SMPD4: variants seen among roughly 807,000 people sequenced by gnomAD.
SMPD4 encodes the protein sphingomyelin phosphodiesterase 4, also known as neutral sphingomyelinase 3.
SMPD4 carries 58 observed loss-of-function variants against 97.8 expected under a neutral mutation model. That is an observed-to-expected ratio of 0.59 (90% CI 0.48 to 0.74). The LOEUF (loss-of-function observed/expected upper bound fraction) is 0.74. Ranked by LOEUF, SMPD4 falls within the 30% of genes least tolerant of loss-of-function variation. The pLI, the probability that SMPD4 is intolerant of heterozygous loss-of-function variation, is 0.00. For missense variants in SMPD4, 853 were observed against 1,080.5 expected (o/e 0.79, Z 2.95); for synonymous variants, 388 against 450.0 (o/e 0.86, Z 1.74).
In SMPD4 at chr2:130,154,764, G is replaced by A. The variant is rs936165900; in HGVS notation, c.1454-282C>T. 9 of 582,552 alleles carry A rather than the reference G, an allele frequency of 1.5e-5. No homozygotes were observed. In the African/African-American group the frequency reaches 1.7e-4, roughly 11 times the overall value. 36.1% of individuals were successfully genotyped at this position (582,552 alleles called of 1,614,324 possible). A position where few individuals can be genotyped will look rare whatever the true frequency, so the allele number is the denominator to read the frequency against. On this transcript the variant is annotated intron_variant, in intron 15 of 19. Transcript: ENST00000680298. ...CCCAACCCAGCCAGGATGAATGCAA[G>A]GCAGAGACCAGGCTCACCTCCTGAA...
intron 8 of SMPD4, among the ~76,000 whole-genome samples, chr2:130,170,037 CAA>C (rs75700996): frequency 8.5e-5 from 9 of 106,438 alleles, no homozygotes; most frequent in Non-Finnish European, 8.4e-5. Flanking sequence ...CATATCTCCG[CAA>C]AAAAAAAAAA....
chr2:130,162,729 A>G (rs35969426), intron 10 of SMPD4, among the ~76,000 whole-genome samples: 12 of 152,320 alleles, frequency 7.9e-5, no homozygotes, highest in African/African-American at 2.4e-4. Flanking sequence ...ACAGGCCTGG[A>G]CAAGCGGCAA....
intron 8 of SMPD4, 94 bp from the exon 9 acceptor site, chr2:130,167,684 G>A: frequency 7.2e-7 from 1 of 1,393,624 alleles, no homozygotes; most frequent in Non-Finnish European, 9.7e-7. Flanking sequence ...AAATCAACGA[G>A]AGCAGGGACA....
intron 9 of SMPD4, among the ~76,000 whole-genome samples, chr2:130,164,795 A>G (rs1687765163): frequency 6.6e-6 from 1 of 152,182 alleles, no homozygotes; most frequent in Admixed American, 6.5e-5. Context: ...GAGCATGAAA[A>G]AATACTATAG....
At chr2:130,160,114 G>A (rs988499910) in intron 11 of SMPD4, among the ~76,000 whole-genome samples, 3 of 151,972 alleles carry the variant, frequency 2.0e-5, no homozygotes, top group African/African-American at 7.3e-5. Context: ...TTTCCCACTG[G>A]GCTGAGACTC....
chr2:130,160,274 C>T (rs1687262176), intron 11 of SMPD4, among the ~76,000 whole-genome samples: 1 of 152,228 alleles, frequency 6.6e-6, no homozygotes, highest in Non-Finnish European at 1.5e-5. Context: ...GAATGAGGTG[C>T]CCCTGTGTGC....
intron 9 of SMPD4, 27 bp from the exon 10 acceptor site, chr2:130,164,472 C>T: frequency 6.2e-7 from 1 of 1,600,630 alleles, no homozygotes; most frequent in Non-Finnish European, 8.6e-7. Context: ...GCTAGTCAAA[C>T]CATTCTTGAC....
At chr2:130,166,489 T>TC (rs762683564) in intron 9 of SMPD4, among the ~76,000 whole-genome samples, 1 of 152,068 alleles carries the variant, frequency 6.6e-6, no homozygotes, top group Admixed American at 6.6e-5. Flanking sequence ...GGGCAACGGT[T>TC]CTTACCATTC....
intron 9 of SMPD4, among the ~76,000 whole-genome samples, chr2:130,165,054 G>A (rs935849828): frequency 9.0e-5 from 13 of 144,092 alleles, no homozygotes; most frequent in African/African-American, 3.4e-4. Flanking sequence ...AGACTGCAGT[G>A]AGCCAAGACT....
rs369821569 is a variant in SMPD4, at chr2:130,181,587, G to C, written c.-103C>G. On this transcript the variant is annotated 5_prime_UTR_variant, in exon 1 of 20. Coordinates refer to ENST00000680298, the MANE Select transcript of SMPD4 (RefSeq NM_017951.5). Reference sequence around the variant, plus strand: ...ATGGAAGCCGCCATTCCGCCACGGCGCCGAAAGTCGTCATCAAGCTGCGCG... The same window carrying C: ...ATGGAAGCCGCCATTCCGCCACGGCCCCGAAAGTCGTCATCAAGCTGCGCG... 3.7e-6 allele frequency: 6 copies of C among 1,604,310 alleles called. No homozygotes were observed. The highest frequency in any genetic ancestry group is 2.2e-5 in the East Asian group (1 of 44,464).
At position 130,156,141 on chromosome 2, in the gene SMPD4, G is replaced by A. The variant is rs773815338; in HGVS notation, c.1189-6C>T. 1.2e-6 allele frequency: 2 copies of A among 1,607,220 alleles called. No individual in the cohort carries two copies. The highest frequency in any genetic ancestry group is 1.7e-6 in the Non-Finnish European group (2 of 1,176,590). ...CTCAGCCACATCTCCAGGACCTGTGGGGGAGGTGTGTGCTAAGGGCTCCGT... is the reference window on the plus strand; with the variant it reads ...CTCAGCCACATCTCCAGGACCTGTGAGGGAGGTGTGTGCTAAGGGCTCCGT... On this transcript the variant is annotated splice_polypyrimidine_tract_variant and splice_region_variant and intron_variant, in intron 13 of 19. Transcript: ENST00000680298.
Position 130,153,396 on chromosome 2 carries a change from C to T in SMPD4, c.1948G>A (p.Glu650Lys). The change falls in exon 18 of 20, where the codon GAG (glutamate) becomes AAG (lysine). Residue 650 changes from glutamate (E) to lysine (K), a missense_variant. By Grantham distance (56) the Glu-to-Lys change is moderately conservative. Coordinates refer to ENST00000680298, the MANE Select transcript of SMPD4 (RefSeq NM_017951.5). Reference sequence around the variant, plus strand: ...TCGGGGAGTTGCTTTTTTCCATTCTCATCCTGGGTGGTGCCCAAGGCGAGT... The same window carrying T: ...TCGGGGAGTTGCTTTTTTCCATTCTTATCCTGGGTGGTGCCCAAGGCGAGT... ...FTLALGTTQD[E>K]NGKKQLPDCI... 1.9e-6 allele frequency: 3 copies of T among 1,613,890 alleles called. No homozygotes were observed. Among genetic ancestry groups the T allele is most frequent in the Non-Finnish European group, 2.5e-6 (3 of 1,180,014 alleles).
At chr2:130,167,212 C>T (rs1688019752) in intron 9 of SMPD4, among the ~76,000 whole-genome samples, 1 of 152,054 alleles carries the variant, frequency 6.6e-6, no homozygotes, top group Non-Finnish European at 1.5e-5. Flanking sequence ...CCTCCACCTC[C>T]TGGGTTCAAG....
chr2:130,156,703 T>C, intron 12 of SMPD4, 28 bp from the exon 13 acceptor site: 1 of 1,605,350 alleles, frequency 6.2e-7, no homozygotes, highest in African/African-American at 1.3e-5. Flanking sequence ...GGTCACCTGC[T>C]GCTTGCCCAG....
chr2:130,159,737 C>T, intron 11 of SMPD4: 1 of 152,234 alleles, frequency 6.6e-6, no homozygotes, highest in East Asian at 1.9e-4. Context: ...GGAAGTTAGA[C>T]CAGGGTCTTT....
intron 8 of SMPD4, among the ~76,000 whole-genome samples, chr2:130,169,577 T>C (rs1030936219): frequency 8.5e-5 from 13 of 152,108 alleles, no homozygotes; most frequent in Non-Finnish European, 1.3e-4. Context: ...TTTTTTTTTT[T>C]TCCCTGAGAC....
Position 130,172,901 on chromosome 2 carries a change from G to A in SMPD4, c.346-6C>T. The A allele has an allele frequency of 1.2e-6, 2 of 1,607,202 alleles. No individual in the cohort carries two copies. The highest frequency in any genetic ancestry group is 1.1e-5 in the South Asian group (1 of 90,388). On this transcript the variant is annotated splice_region_variant and splice_polypyrimidine_tract_variant and intron_variant, in intron 5 of 19. Transcript: ENST00000680298. ...ATGGACGCCTTCACAGGACCCTGCAGAGAGAGGCAGTGAGGCTTGTGGGCA... is the reference window on the plus strand; with the variant it reads ...ATGGACGCCTTCACAGGACCCTGCAAAGAGAGGCAGTGAGGCTTGTGGGCA...
At chr2:130,177,293 A>G (rs531663995) in intron 1 of SMPD4, among the ~76,000 whole-genome samples, 16 of 152,212 alleles carry the variant, frequency 1.1e-4, no homozygotes, top group African/African-American at 3.8e-4. Context: ...TGTTGCTTAG[A>G]CTGCTCTTGA....
rs376789864 is a variant in SMPD4, at chr2:130,174,871, T to A, written c.126+43A>T. On this transcript the variant is annotated intron_variant, in intron 3 of 19. Transcript: ENST00000680298. ...AATTATAATAAAGTTCTTCAACGAA[T>A]GTATAAGACATGCTCCAAAGAGAGA... 355 of 1,394,314 alleles carry A rather than the reference T, an allele frequency of 2.5e-4. 1 individual carries two copies. Among genetic ancestry groups the A allele is most frequent in the Middle Eastern group, 1.8e-3 (10 of 5,526 alleles). The allele number at this position is 1,394,314 out of a possible 1,614,324, so 86.4% of individuals were successfully genotyped here. A position where few individuals can be genotyped will look rare whatever the true frequency, so the allele number is the denominator to read the frequency against.
Sources: gnomAD v4.1 joint callset for allele counts (sites outside exome capture counted in the v4.1 genomes callset) on GRCh38, gnomAD v4.1.1 for gene constraint, MANE v1.5 for transcripts, NCBI Gene and HGNC (gene_info 2026-07-23, HGNC 2026-07-21) for gene names.